The following MYO18B variants were observed in gnomAD, a reference collection of about 807,000 sequenced individuals.
MYO18B encodes unconventional myosin-XVIIIb.
In MYO18B, 204 loss-of-function variants were observed where a neutral mutation model predicts 273.0. That is an observed-to-expected ratio of 0.75 (90% CI 0.67 to 0.84). The LOEUF is 0.84. Ranked by LOEUF, MYO18B falls within the 40% of genes least tolerant of loss-of-function variation. The probability of loss-of-function intolerance (pLI) is 0.00; values close to 1 mark genes in which losing one functional copy is unlikely to be tolerated. For synonymous variants in MYO18B, 1,330 were observed against 1,305.7 expected (o/e 1.02, Z -0.40); for missense variants, 3,212 against 3,287.6 (o/e 0.98, Z 0.56).
intron 25 of MYO18B, among the ~76,000 whole-genome samples, chr22:25,886,193 T>C (rs1191792615): frequency 2.0e-5 from 3 of 152,346 alleles, no homozygotes; most frequent in South Asian, 2.1e-4. Context: ...TGGTAAGCAC[T>C]ATCTGTGGTG....
At chr22:25,908,904 T>C (rs959799709) in intron 32 of MYO18B, among the ~76,000 whole-genome samples, 2 of 152,218 alleles carry the variant, frequency 1.3e-5, no homozygotes, top group Admixed American at 1.3e-4. Flanking sequence ...ATAGCTCTCT[T>C]TCACTCTCTG....
At chr22:26,003,716 T>C (rs986743781) in intron 41 of MYO18B, among the ~76,000 whole-genome samples, 5 of 152,170 alleles carry the variant, frequency 3.3e-5, no homozygotes, top group South Asian at 4.2e-4. Flanking sequence ...AAAATTCCGT[T>C]CTTCAGTCCC....
chr22:26,040,453 T>C, the MYO18B span, among the ~76,000 whole-genome samples: 2 of 152,146 alleles, frequency 1.3e-5, no homozygotes, highest in Admixed American at 1.3e-4. Context: ...TCTCCTGCAA[T>C]TTACATGATA....
At chr22:26,033,069 CAG>C (rs1326121115), downstream of MYO18B, among the ~76,000 whole-genome samples, 2 of 152,246 alleles carry the variant, frequency 1.3e-5, no homozygotes, top group African/African-American at 4.8e-5. Context: ...GGTCCACAAA[CAG>C]AGGTAATTCG....
intron 32 of MYO18B, 32 bp downstream of exon 32, chr22:25,908,464 G>A: frequency 6.5e-7 from 1 of 1,542,082 alleles, no homozygotes; most frequent in Non-Finnish European, 8.8e-7. Context: ...CTGTGCCCTT[G>A]GATCCTGGCA....
intron 12 of MYO18B, among the ~76,000 whole-genome samples, chr22:25,808,901 A>G (rs553936339): frequency 6.6e-6 from 1 of 152,278 alleles, no homozygotes; most frequent in South Asian, 2.1e-4. Flanking sequence ...AAATCAGTCC[A>G]GGGCCCAGGA....
intron 42 of MYO18B, among the ~76,000 whole-genome samples, chr22:26,018,148 G>C (rs1935528146): frequency 6.6e-6 from 1 of 151,994 alleles, no homozygotes; most frequent in South Asian, 2.1e-4. Flanking sequence ...TGTCCACTCA[G>C]GGCAGCTCGA....
At chr22:26,058,044 T>G in the MYO18B span, among the ~76,000 whole-genome samples, 3 of 152,264 alleles carry the variant, frequency 2.0e-5, no homozygotes, top group South Asian at 6.2e-4. Context: ...GAGATAAAAC[T>G]TATTCACTAT....
chr22:25,904,455 A>G (rs917349525), intron 31 of MYO18B, among the ~76,000 whole-genome samples: 5 of 152,226 alleles, frequency 3.3e-5, no homozygotes, highest in Non-Finnish European at 7.3e-5. Context: ...ACTCAGAGAC[A>G]TGGAGAAAGT....
In MYO18B at chr22:26,031,013, A is replaced by G. The variant is rs747851416; in HGVS notation, c.*583A>G. On this transcript the variant is annotated 3_prime_UTR_variant, in exon 44 of 44. Coordinates refer to ENST00000335473, the MANE Select transcript of MYO18B (RefSeq NM_032608.7). ...TGAATGATGAATGAATGAATGAGCC[A>G]AAGAACAAATAAATGAGCCCACACA... is the stretch of plus-strand genomic sequence containing the variant. 8.3e-5 allele frequency: 33 copies of G among 398,386 alleles called. No individual in the cohort carries two copies. The highest frequency in any genetic ancestry group is 1.4e-4 in the Non-Finnish European group (31 of 226,020). 24.7% of individuals were successfully genotyped at this position (398,386 alleles called of 1,614,324 possible).
intron 14 of MYO18B, among the ~76,000 whole-genome samples, chr22:25,827,060 A>T (rs2089520883): frequency 6.6e-6 from 1 of 152,194 alleles, no homozygotes. Flanking sequence ...AGACTCTCTC[A>T]AAACAAAACA....
chr22:25,771,716 C>T (rs1189832671), intron 6 of MYO18B, among the ~76,000 whole-genome samples: 1 of 152,224 alleles, frequency 6.6e-6, no homozygotes, highest in Non-Finnish European at 1.5e-5. Context: ...AGGGCTCAAG[C>T]TTGGCCCAAA....
At chr22:25,907,772 C>T (rs2092074434) in intron 31 of MYO18B, among the ~76,000 whole-genome samples, 2 of 152,184 alleles carry the variant, frequency 1.3e-5, no homozygotes, top group South Asian at 2.1e-4. Context: ...CGGTGGCTCA[C>T]ACCTATAATC....
At chr22:25,905,664 G>A (rs764319810) in intron 31 of MYO18B, among the ~76,000 whole-genome samples, 1 of 152,216 alleles carries the variant, frequency 6.6e-6, no homozygotes, top group African/African-American at 2.4e-5. Flanking sequence ...TCAAGGAGCT[G>A]TAATACGGGG....
intron 42 of MYO18B, among the ~76,000 whole-genome samples, chr22:26,017,315 A>T (rs541353888): frequency 2.0e-4 from 28 of 141,920 alleles, no homozygotes; most frequent in African/African-American, 6.7e-4. Context: ...CCTCCTCTAC[A>T]TCTATGTTTA....
In MYO18B at chr22:25,765,671, T is replaced by C. The variant is rs133898; in HGVS notation, c.198+2282T>C. Among the ~76,000 whole-genome samples the C allele has an allele frequency of 5.6e-3, 847 of 152,200 alleles. 15 individuals carry two copies. Among genetic ancestry groups the C allele is most frequent in the African/African-American group, 0.019 (809 of 41,502 alleles). On this transcript the variant is annotated intron_variant, in intron 3 of 43. Coordinates refer to ENST00000335473, the MANE Select transcript of MYO18B (RefSeq NM_032608.7). ...TTGGCCCCAGTTATTCTAGAGGTGC[T>C]GTTTCCCTCTATATGCTAAAAAGGG...
intron 1 of MYO18B, among the ~76,000 whole-genome samples, chr22:25,755,693 A>G (rs1482095713): frequency 6.6e-6 from 1 of 152,066 alleles, no homozygotes; most frequent in Non-Finnish European, 1.5e-5. Context: ...TTCTTGCTCT[A>G]TTTGTTCACG....
the MYO18B span, among the ~76,000 whole-genome samples, chr22:26,042,771 C>A: frequency 6.6e-6 from 1 of 152,152 alleles, no homozygotes; most frequent in Non-Finnish European, 1.5e-5. Context: ...TATTGAGTAC[C>A]TATTATGTGC....
intron 41 of MYO18B, among the ~76,000 whole-genome samples, chr22:26,003,940 T>A (rs1490041587): frequency 6.6e-6 from 1 of 151,942 alleles, no homozygotes; most frequent in East Asian, 1.9e-4. Flanking sequence ...AAACCTACCC[T>A]CTGTCCCTCT....
Sources: allele counts gnomAD v4.1 joint callset (sites outside exome capture counted in the v4.1 genomes callset), GRCh38; gene constraint gnomAD v4.1.1; transcripts MANE v1.5; gene names NCBI Gene and HGNC (gene_info 2026-07-23, HGNC 2026-07-21).